Variants in TMEM182 observed in about 807,000 individuals in gnomAD.
TMEM182 encodes the protein transmembrane protein 182.
TMEM182 carries 20 observed loss-of-function variants against 26.8 expected under a neutral mutation model. The observed-to-expected ratio is 0.75, with a 90% CI of 0.53 to 1.09. TMEM182 has a LOEUF of 1.09. TMEM182 is among the 50% of genes least tolerant of loss of function. The pLI is 0.00. For missense variants in TMEM182, 277 were observed against 275.5 expected, an observed-to-expected ratio of 1.01 and a Z score of -0.04; for synonymous variants, 109 against 102.2, an observed-to-expected ratio of 1.07 and a Z score of -0.40.
intron 3 of TMEM182, among the ~76,000 whole-genome samples, chr2:102,824,284 A>G (rs968699087): frequency 3.9e-5 from 6 of 152,154 alleles, no homozygotes; most frequent in Admixed American, 2.6e-4. Flanking sequence ...TAATAATTTT[A>G]CCTGTCCTCA....
At position 102,762,691 on chromosome 2, in the gene TMEM182, G is replaced by A. The variant is rs1296592962; in HGVS notation, c.232+5G>A. 1.2e-5 allele frequency: 20 copies of A among 1,608,890 alleles called. No individual in the cohort carries two copies. The highest frequency in any genetic ancestry group is 1.7e-5 in the Non-Finnish European group (20 of 1,176,374). ...ATATTTGGAAGTTCTGGTACAGTAA[G>A]TACAATTTAGCTTTATTTTCCCTCT... On this transcript the variant is annotated splice_donor_5th_base_variant and intron_variant, in intron 2 of 4. Coordinates refer to ENST00000412401, the MANE Select transcript of TMEM182 (RefSeq NM_144632.5).
chr2:102,803,085 G>C (rs1347004323), intron 4 of TMEM182, among the ~76,000 whole-genome samples: 1 of 152,216 alleles, frequency 6.6e-6, no homozygotes, highest in African/African-American at 2.4e-5. Flanking sequence ...CCAGGTCCAG[G>C]ATGTGCTCAT....
chr2:102,804,096 A>G (rs1431040586), intron 4 of TMEM182, among the ~76,000 whole-genome samples: 2 of 152,170 alleles, frequency 1.3e-5, no homozygotes, highest in Non-Finnish European at 2.9e-5. Flanking sequence ...GTGTGGCTAC[A>G]GTGGCTTTTC....
chr2:102,828,095 A>G (rs1242527968), intron 3 of TMEM182, among the ~76,000 whole-genome samples: 3 of 152,140 alleles, frequency 2.0e-5, no homozygotes, highest in Non-Finnish European at 2.9e-5. Context: ...TCATAAATAC[A>G]TAAATATATA....
rs139176482 is a variant in TMEM182 at position 102,839,322 on chromosome 2, C to G, written c.326-4090C>G. On this transcript the variant is annotated intron_variant, in intron 3 of 3. Coordinates refer to the TMEM182 transcript ENST00000486293. ...AGAGCAATTTGCACATCTGGATTAG[C>G]GCTGATTTCCGATTTCTTTGCTTTT... Among the ~76,000 whole-genome samples, 161 of 151,994 alleles carry G rather than the reference C, an allele frequency of 1.1e-3. 1 individual carries two copies. The Middle Eastern group carries it at 0.014, about 13-fold the overall frequency.
intron 3 of TMEM182, among the ~76,000 whole-genome samples, chr2:102,777,068 T>TA (rs35360347): frequency 0.016 from 2,411 of 151,122 alleles, 56 homozygotes; most frequent in African/African-American, 0.053. Flanking sequence ...TACATGTTTT[T>TA]AAAAAAAAAA....
chr2:102,796,395 G>C (rs572420905), intron 3 of TMEM182, among the ~76,000 whole-genome samples: 4 of 152,272 alleles, frequency 2.6e-5, no homozygotes, highest in Admixed American at 6.5e-5. Context: ...GCTGCTTCTT[G>C]TTGTTAATGA....
intron 3 of TMEM182, among the ~76,000 whole-genome samples, chr2:102,832,447 C>T (rs1683171653): frequency 6.6e-6 from 1 of 152,148 alleles, no homozygotes; most frequent in South Asian, 2.1e-4. Context: ...TGTTTCCTTC[C>T]AGGCTTTATT....
In TMEM182 at chr2:102,814,630, T is replaced by A. The variant is rs143579111; in HGVS notation, c.470-118T>A. 480 of 860,216 alleles carry A rather than the reference T, an allele frequency of 5.6e-4. 1 individual carries two copies. The African/African-American group carries it at 7.3e-3, about 13-fold the overall frequency. 53.3% of individuals were successfully genotyped at this position (860,216 alleles called of 1,614,324 possible). A position where few individuals can be genotyped will look rare whatever the true frequency, so the allele number is the denominator to read the frequency against. On this transcript the variant is annotated intron_variant, in intron 4 of 4. Coordinates refer to ENST00000412401, the MANE Select transcript of TMEM182 (RefSeq NM_144632.5). ...AATAAAAGGTCTGACGTAGAGTATT[T>A]GATTTTGCTAGAAATGTATTTGCAG...
intron 3 of TMEM182, among the ~76,000 whole-genome samples, chr2:102,779,942 G>T (rs967414670): frequency 5.9e-5 from 9 of 152,120 alleles, no homozygotes; most frequent in African/African-American, 2.2e-4. Context: ...GGCGGAGGTT[G>T]CAGTGAGCCG....
chr2:102,773,291 CAGT>C (rs1680760248), intron 3 of TMEM182, among the ~76,000 whole-genome samples: 1 of 151,626 alleles, frequency 6.6e-6, no homozygotes, highest in South Asian at 2.1e-4. Flanking sequence ...GCCGATTACA[CAGT>C]AGTTAGAAGA....
chr2:102,784,752 A>G (rs1267135816), intron 3 of TMEM182, among the ~76,000 whole-genome samples: 1 of 152,180 alleles, frequency 6.6e-6, no homozygotes, highest in Non-Finnish European at 1.5e-5. Flanking sequence ...TTTAGACCAT[A>G]TAGGGTAACT....
chr2:102,784,585 G>C (rs1421168842), intron 3 of TMEM182, among the ~76,000 whole-genome samples: 1 of 152,228 alleles, frequency 6.6e-6, no homozygotes, highest in East Asian at 1.9e-4. Flanking sequence ...GGGTGAGTCT[G>C]TAGAGTAAAG....
At chr2:102,802,944 T>C (rs554192857) in intron 4 of TMEM182, among the ~76,000 whole-genome samples, 40 of 152,306 alleles carry the variant, frequency 2.6e-4, no homozygotes, top group African/African-American at 9.1e-4. Context: ...CTGCAGAAAG[T>C]AGAAACAGAG....
At chr2:102,753,027 T>C (rs1225438525) in intron 1 of TMEM182, among the ~76,000 whole-genome samples, 2 of 152,244 alleles carry the variant, frequency 1.3e-5, no homozygotes, top group Non-Finnish European at 2.9e-5. Flanking sequence ...TGTATATTTG[T>C]TTATAAAATA....
At chr2:102,763,837 A>G (rs1043679598) in intron 2 of TMEM182, among the ~76,000 whole-genome samples, 2 of 152,224 alleles carry the variant, frequency 1.3e-5, no homozygotes, top group Non-Finnish European at 2.9e-5. Context: ...GATGTTTTCA[A>G]ATATTAAAAA....
chr2:102,802,848 C>T (rs889360117), intron 4 of TMEM182, among the ~76,000 whole-genome samples: 2 of 152,186 alleles, frequency 1.3e-5, no homozygotes, highest in Non-Finnish European at 1.5e-5. Flanking sequence ...TGATATCTTA[C>T]CAGCACATCA....
intron 3 of TMEM182, among the ~76,000 whole-genome samples, chr2:102,827,028 C>T (rs1683044948): frequency 6.6e-6 from 1 of 152,112 alleles, no homozygotes; most frequent in Admixed American, 6.5e-5. Context: ...CTTTACTTGC[C>T]CTTGTCTTAT....
Position 102,817,668 on chromosome 2 carries a change from A to G in TMEM182, c.*2700A>G. 1.0e-6 allele frequency: 1 copy of G among 982,462 alleles called. No homozygotes were observed. The highest frequency in any genetic ancestry group is 1.2e-6 in the Non-Finnish European group (1 of 827,208). The allele number at this position is 982,462 out of a possible 1,614,324, so 60.9% of individuals were successfully genotyped here. On this transcript the variant is annotated 3_prime_UTR_variant, in exon 5 of 5. Transcript: ENST00000412401. ...AGATTAAATGGAATTATAAAGGAAT[A>G]TATTGGAGGAAGTGTCAGTGTTGGT...
Sources: allele counts gnomAD v4.1 joint callset (sites outside exome capture counted in the v4.1 genomes callset), GRCh38; gene constraint gnomAD v4.1.1; transcripts MANE v1.5; gene names NCBI Gene and HGNC (gene_info 2026-07-23, HGNC 2026-07-21).